PCGF3: variants seen among roughly 807,000 people sequenced by gnomAD.
PCGF3 encodes the protein polycomb group ring finger 3, also known as polycomb group RING finger protein 3.
Under a neutral mutation model 33.1 loss-of-function variants are expected in PCGF3, and 7 were observed. That is an observed-to-expected ratio of 0.21 (90% CI 0.12 to 0.40). The LOEUF (loss-of-function observed/expected upper bound fraction) is 0.40, where lower values mean the gene tolerates loss of function less well. Among genes scored for constraint, PCGF3 ranks in the 10% least tolerant of loss-of-function variants. The pLI is 1.00. For synonymous variants in PCGF3, 153 were observed against 121.3 expected (o/e 1.26, Z -1.72); for missense variants, 211 against 313.3 (o/e 0.67, Z 2.46).
In PCGF3 at chr4:766,696, TTCATTGTGTGAGG is replaced by T. The variant is rs982950662; in HGVS notation, c.*620_*632del. On this transcript the variant is annotated 3_prime_UTR_variant, in exon 11 of 11. Coordinates refer to ENST00000362003, the Ensembl canonical transcript of PCGF3. Reference sequence around the variant, plus strand: ...CAGCAGCTCCCTGACTGGTTCGCCTTTCATTGTGTGAGGTCGGCACTTGGACTCACTCAGAACT... The same window carrying T: ...CAGCAGCTCCCTGACTGGTTCGCCTTTCGGCACTTGGACTCACTCAGAACT... The T allele has an allele frequency of 9.2e-5, 14 of 152,324 alleles. 1 individual carries two copies. Among genetic ancestry groups the T allele is most frequent in the East Asian group, 1.9e-4 (1 of 5,174 alleles). The allele number at this position is 152,324 out of a possible 1,614,324, so 9.4% of individuals were successfully genotyped here. A position where few individuals can be genotyped will look rare whatever the true frequency, so the allele number is the denominator to read the frequency against.
At chr4:707,051 C>G (rs990972029) in intron 1 of PCGF3, among the ~76,000 whole-genome samples, 5 of 152,166 alleles carry the variant, frequency 3.3e-5, no homozygotes, top group African/African-American at 1.2e-4. Context: ...TCAGACCAGG[C>G]AGGACCTGAA....
intron 8 of PCGF3, among the ~76,000 whole-genome samples, chr4:753,598 A>G (rs1218631301): frequency 6.6e-6 from 1 of 150,568 alleles, no homozygotes; most frequent in Non-Finnish European, 1.5e-5. Flanking sequence ...AGCCGAGATC[A>G]CGCCACTGCA....
In PCGF3 at chr4:721,781, G is replaced by T. The variant is rs147840991; in HGVS notation, c.-189-8849G>T. ...CTGTGGGAGGTGGATGGGTTGGGTG[G>T]CTCTGTGTATGGGCATGGGGAGGGG... On this transcript the variant is annotated intron_variant, in intron 1 of 10. Coordinates refer to ENST00000362003, the Ensembl canonical transcript of PCGF3. The surrounding 1 kb of genome is among the most constrained non-coding windows in gnomAD (Gnocchi z 4.1). 9.5e-4 allele frequency among the ~76,000 whole-genome samples: 94 copies of T among 98,838 alleles called. No individual in the cohort carries two copies. The highest frequency in any genetic ancestry group is 5.6e-3 in the South Asian group (15 of 2,662). The allele number at this position is 98,838 out of a possible 152,430, so 64.8% of individuals were successfully genotyped here.
chr4:760,357 G>C (rs994055783), intron 8 of PCGF3, among the ~76,000 whole-genome samples: 1 of 126,452 alleles, frequency 7.9e-6, no homozygotes, highest in Non-Finnish European at 1.6e-5. Flanking sequence ...ACTCCTGATG[G>C]GTAACTTCCT....
chr4:764,073 C>T (rs928680492), intron 9 of PCGF3, among the ~76,000 whole-genome samples: 3 of 152,112 alleles, frequency 2.0e-5, no homozygotes, highest in African/African-American at 7.2e-5. Flanking sequence ...CACAGGGCTC[C>T]TGGGCGGCGA....
exon 4 of PCGF3, chr4:733,704 G>A: frequency 6.2e-7 from 1 of 1,609,600 alleles, no homozygotes; most frequent in Middle Eastern, 1.6e-4. Context: ...AGATCAAGCT[G>A]TGGGACATCA....
chr4:743,345 GCTTT>G, intron 6 of PCGF3, 125 bp from the exon 7 acceptor site: 2 of 630,822 alleles, frequency 3.2e-6, no homozygotes, highest in Non-Finnish European at 5.7e-6. Flanking sequence ...TTAATTTGCT[GCTTT>G]CTTATTAGTA....
chr4:734,872 G>A (rs1446362479), intron 4 of PCGF3, 59 bp from the exon 5 acceptor site: 11 of 1,579,752 alleles, frequency 7.0e-6, no homozygotes, highest in South Asian at 2.3e-5. Flanking sequence ...GGAGCACGCC[G>A]ATGGGGTGGG....
intron 9 of PCGF3, 22 bp downstream of exon 9, chr4:761,438 G>C: frequency 2.5e-6 from 4 of 1,571,860 alleles, no homozygotes; most frequent in Non-Finnish European, 3.5e-6. Context: ...TCCCTAAGTA[G>C]AAACCATAAC....
intron 9 of PCGF3, among the ~76,000 whole-genome samples, chr4:763,350 C>G (rs77886012): frequency 6.6e-6 from 1 of 152,022 alleles, no homozygotes; most frequent in African/African-American, 2.4e-5. Flanking sequence ...CATTTCCCAG[C>G]GCAGGGCTGG....
At chr4:748,709 C>T (rs1294863744) in intron 8 of PCGF3, among the ~76,000 whole-genome samples, 2 of 152,156 alleles carry the variant, frequency 1.3e-5, no homozygotes, top group Non-Finnish European at 2.9e-5. Context: ...GCCTGGTTTC[C>T]GATGTTGACG....
At chr4:736,491 A>C (rs1743831623) in intron 5 of PCGF3, among the ~76,000 whole-genome samples, 1 of 147,970 alleles carries the variant, frequency 6.8e-6, no homozygotes, top group Non-Finnish European at 1.5e-5. Flanking sequence ...GATGCAGGGA[A>C]CCCGGGGTGT....
At chr4:750,185 A>T (rs1369513635) in intron 8 of PCGF3, among the ~76,000 whole-genome samples, 2 of 152,192 alleles carry the variant, frequency 1.3e-5, no homozygotes, top group Non-Finnish European at 2.9e-5. Flanking sequence ...TAATATTTTC[A>T]CTGGCATTCA....
At chr4:738,739 A>G (rs374106243) in intron 6 of PCGF3, among the ~76,000 whole-genome samples, 6 of 151,756 alleles carry the variant, frequency 4.0e-5, no homozygotes, top group African/African-American at 1.5e-4. Context: ...GGTGCCTGTA[A>G]TCCCAGCTAC....
intron 8 of PCGF3, among the ~76,000 whole-genome samples, chr4:760,166 T>A (rs1019126899): frequency 7.2e-5 from 11 of 152,204 alleles, no homozygotes; most frequent in African/African-American, 2.4e-4. Context: ...GGAGTGGGTA[T>A]TTCTTGTATT....
At chr4:750,708 T>G (rs1309389009) in intron 8 of PCGF3, among the ~76,000 whole-genome samples, 1 of 151,932 alleles carries the variant, frequency 6.6e-6, no homozygotes, top group Non-Finnish European at 1.5e-5. Flanking sequence ...TCCGGTCGTT[T>G]TTCTTGTGGA....
In PCGF3 at chr4:752,493, C is replaced by T. The variant is rs545920587; in HGVS notation, c.462+7805C>T. Among the ~76,000 whole-genome samples the T allele has an allele frequency of 2.0e-5, 3 of 152,348 alleles. No individual in the cohort carries two copies. The South Asian group carries it at 6.2e-4, about 32-fold the overall frequency. ...CCACAGCTGTTCCGCTCTTTTCCCC[C>T]AGCTGCTGCTTCCAGAGCCTGGCTT... On this transcript the variant is annotated intron_variant, in intron 8 of 10. Transcript: ENST00000362003.
intron 8 of PCGF3, among the ~76,000 whole-genome samples, chr4:760,343 C>G (rs898025577): frequency 1.3e-5 from 2 of 149,662 alleles, no homozygotes; most frequent in Non-Finnish European, 3.0e-5. Context: ...GTGTGTTTAT[C>G]TCTACTCCTG....
intron 1 of PCGF3, among the ~76,000 whole-genome samples, chr4:726,395 C>G (rs1373679361): frequency 2.0e-5 from 3 of 152,238 alleles, no homozygotes; most frequent in East Asian, 3.9e-4. Context: ...GCCAGCAAAC[C>G]CGCTCACACA....
Sources: gnomAD v4.1 joint callset for allele counts (sites outside exome capture counted in the v4.1 genomes callset) on GRCh38, gnomAD v4.1.1 for gene constraint, Gnocchi (gnomAD v3.1) non-coding constraint, MANE v1.5 for transcripts, NCBI Gene and HGNC (gene_info 2026-07-23, HGNC 2026-07-21) for gene names.